Variants in KLHL14 observed in about 807,000 individuals in gnomAD.
KLHL14 encodes kelch-like protein 14.
Under a neutral mutation model 64.3 loss-of-function variants are expected in KLHL14, and 22 were observed. That is an observed-to-expected ratio of 0.34 (90% CI 0.24 to 0.49). The LOEUF is 0.49. Ranked by LOEUF, KLHL14 falls within the 20% of genes least tolerant of loss-of-function variation. KLHL14 has a pLI of 0.99. For synonymous variants in KLHL14, 322 were observed against 333.4 expected, an observed-to-expected ratio of 0.97 and a Z score of 0.37; for missense variants, 661 against 789.0, an observed-to-expected ratio of 0.84 and a Z score of 1.94.
chr18:32,752,371 C>G (rs986164552), intron 2 of KLHL14, among the ~76,000 whole-genome samples: 2 of 152,134 alleles, frequency 1.3e-5, no homozygotes, highest in African/African-American at 4.8e-5. Flanking sequence ...GTGGAAGACT[C>G]AGAGAGCCAT....
intron 4 of KLHL14, among the ~76,000 whole-genome samples, chr18:32,690,711 A>AG (rs2049903215): frequency 6.6e-6 from 1 of 152,190 alleles, no homozygotes; most frequent in Non-Finnish European, 1.5e-5. Context: ...CCTGGGCAAC[A>AG]GAGTGAGACT....
At chr18:32,709,098 A>G (rs1325628536) in intron 3 of KLHL14, among the ~76,000 whole-genome samples, 1 of 152,126 alleles carries the variant, frequency 6.6e-6, no homozygotes, top group Admixed American at 6.6e-5. Flanking sequence ...TTCTCTTTGG[A>G]ATACATTTTC....
In KLHL14 at chr18:32,769,831, A is replaced by G. The variant is rs774924513; in HGVS notation, c.761T>C (p.Met254Thr). The G allele has an allele frequency of 6.8e-6, 11 of 1,613,746 alleles. No individual in the cohort carries two copies. Among genetic ancestry groups the G allele is most frequent in the Admixed American group, 6.7e-5 (4 of 60,018 alleles). Residue 254 changes from methionine to threonine, a missense_variant, in exon 2 of 9, where the codon ATG becomes ACG. Physicochemically the swap from Met to Thr is moderately conservative, Grantham distance 81 (BLOSUM62 -1). Transcript: ENST00000359358. ...LWLEHDRETR[M>T]QYAPDLMKRL... ...CTTCATGAGGTCAGGCGCATACTGC[A>G]TGCGGGTCTCGCGGTCGTGCTCCAG...
chr18:32,770,998 A>G lies in KLHL14; in HGVS notation c.-43-364T>C, dbSNP rs2144201855. ...GACGGCAAAGTGGCGGCTGAGGCCGAGGCACCTCGTGGGCTCGTGTCCATG... is the reference window on the plus strand; with the variant it reads ...GACGGCAAAGTGGCGGCTGAGGCCGGGGCACCTCGTGGGCTCGTGTCCATG... On this transcript the variant is annotated intron_variant, in intron 1 of 8. Coordinates refer to ENST00000359358, the MANE Select transcript of KLHL14 (RefSeq NM_020805.3). The surrounding 1 kb of genome is among the most constrained non-coding windows in gnomAD (Gnocchi z 6.7). 2.4e-6 allele frequency: 1 copy of G among 410,680 alleles called. No homozygotes were observed. Among genetic ancestry groups the G allele is most frequent in the Non-Finnish European group, 4.9e-6 (1 of 204,236 alleles). The allele number at this position is 410,680 out of a possible 1,614,324, so 25.4% of individuals were successfully genotyped here.
intron 7 of KLHL14, among the ~76,000 whole-genome samples, chr18:32,679,165 A>T (rs751252068): frequency 1.1e-4 from 17 of 152,168 alleles, no homozygotes; most frequent in African/African-American, 2.4e-4. Flanking sequence ...CTGAACATGA[A>T]CTTGACGAAT....
Position 32,769,854 on chromosome 18 carries a change from C to T in KLHL14, c.738G>A (p.Leu246=). The change falls in exon 2 of 9, where the codon CTG becomes CTA. Residue 246 remains leucine (L), a synonymous_variant. Coordinates refer to ENST00000359358, the MANE Select transcript of KLHL14 (RefSeq NM_020805.3). ...GCATGCGGGTCTCGCGGTCGTGCTCCAGCCACAGCACGGACATCTGGAAGA... is the reference window on the plus strand; with the variant it reads ...GCATGCGGGTCTCGCGGTCGTGCTCTAGCCACAGCACGGACATCTGGAAGA... The part of the protein sequence containing the change: ...LALFQMSVLW[L]EHDRETRMQY... 6 of 1,613,956 alleles carry T rather than the reference C, an allele frequency of 3.7e-6. No homozygotes were observed. The highest frequency in any genetic ancestry group is 5.1e-6 in the Non-Finnish European group (6 of 1,180,032).
intron 3 of KLHL14, among the ~76,000 whole-genome samples, chr18:32,712,505 A>T (rs577578988): frequency 6.6e-6 from 1 of 152,244 alleles, no homozygotes; most frequent in South Asian, 2.1e-4. Flanking sequence ...ATACTCAAGG[A>T]TATTTCTTCC....
At chr18:32,686,875 A>G (rs2049882005) in intron 5 of KLHL14, among the ~76,000 whole-genome samples, 1 of 152,212 alleles carries the variant, frequency 6.6e-6, no homozygotes, top group African/African-American at 2.4e-5. Context: ...TGGTATAGCC[A>G]GAGAAATTGT....
At chr18:32,742,413 G>C (rs979079908) in intron 2 of KLHL14, among the ~76,000 whole-genome samples, 3 of 152,060 alleles carry the variant, frequency 2.0e-5, no homozygotes, top group African/African-American at 7.2e-5. Flanking sequence ...GTCAAAAATC[G>C]TATTAGTCAA....
intron 2 of KLHL14, among the ~76,000 whole-genome samples, chr18:32,762,674 T>C (rs2050320723): frequency 6.6e-6 from 1 of 152,132 alleles, no homozygotes; most frequent in Admixed American, 6.5e-5. Context: ...CAGATAGCCT[T>C]TCTCTGGTTA....
chr18:32,733,563 T>C (rs1198208279), intron 3 of KLHL14: 1 of 152,102 alleles, frequency 6.6e-6, no homozygotes, highest in Non-Finnish European at 1.5e-5. Flanking sequence ...TAGCCTTGAG[T>C]AAAAGAAGCT....
At chr18:32,713,296 C>T (rs1166501120) in intron 3 of KLHL14, among the ~76,000 whole-genome samples, 2 of 152,132 alleles carry the variant, frequency 1.3e-5, no homozygotes, top group East Asian at 1.9e-4. Flanking sequence ...TTACCAGTGC[C>T]CCCAAACGAA....
At chr18:32,741,372 A>C (rs1457352393) in intron 3 of KLHL14, among the ~76,000 whole-genome samples, 1 of 152,222 alleles carries the variant, frequency 6.6e-6, no homozygotes. Flanking sequence ...CCTGGGTAGA[A>C]GTTTGCAAGC....
intron 3 of KLHL14, among the ~76,000 whole-genome samples, chr18:32,730,837 G>A (rs1308493277): frequency 1.3e-5 from 2 of 152,172 alleles, no homozygotes; most frequent in African/African-American, 4.8e-5. Flanking sequence ...CAATCTCAAT[G>A]TTTTAAAAAA....
chr18:32,768,662 A>C (rs2050359786), intron 2 of KLHL14, among the ~76,000 whole-genome samples: 1 of 152,208 alleles, frequency 6.6e-6, no homozygotes. Flanking sequence ...GCTAGGGCTC[A>C]TTAAAAATGG....
At chr18:32,685,976 A>G (rs1169059444) in intron 5 of KLHL14, among the ~76,000 whole-genome samples, 1 of 151,896 alleles carries the variant, frequency 6.6e-6, no homozygotes, top group Non-Finnish European at 1.5e-5. Flanking sequence ...GAAATAGAAA[A>G]GAGAAAGAAT....
chr18:32,740,621 C>A (rs573183113), intron 3 of KLHL14, among the ~76,000 whole-genome samples: 1 of 152,148 alleles, frequency 6.6e-6, no homozygotes, highest in African/African-American at 2.4e-5. Context: ...TTCTGACAAA[C>A]CTTTAAAATT....
chr18:32,694,557 G>A (rs1232403924), intron 4 of KLHL14, among the ~76,000 whole-genome samples: 1 of 152,214 alleles, frequency 6.6e-6, no homozygotes, highest in African/African-American at 2.4e-5. Context: ...TGTTCTTGAA[G>A]GGTGGCCTGG....
At chr18:32,708,980 C>A (rs923795589) in intron 3 of KLHL14, among the ~76,000 whole-genome samples, 3 of 152,150 alleles carry the variant, frequency 2.0e-5, no homozygotes, top group African/African-American at 7.2e-5. Context: ...TCACGGGTCT[C>A]CTTGTTTTCA....
Sources: allele counts gnomAD v4.1 joint callset (sites outside exome capture counted in the v4.1 genomes callset), GRCh38; gene constraint gnomAD v4.1.1; non-coding constraint Gnocchi (gnomAD v3.1); transcripts MANE v1.5; gene names NCBI Gene and HGNC (gene_info 2026-07-23, HGNC 2026-07-21).